The following CDC42BPA variants were observed in gnomAD, a reference collection of about 807,000 sequenced individuals.
CDC42BPA encodes CDC42 binding protein kinase alpha, also known as serine/threonine-protein kinase MRCK alpha.
In CDC42BPA, 80 loss-of-function variants were observed where a neutral mutation model predicts 223.5. The observed-to-expected ratio is 0.36, with a 90% confidence interval of 0.30 to 0.43. The LOEUF (loss-of-function observed/expected upper bound fraction) is 0.43. Among genes scored for constraint, CDC42BPA ranks in the 20% least tolerant of loss-of-function variants. The probability of loss-of-function intolerance (pLI) is 1.00; values close to 1 mark genes in which losing one functional copy is unlikely to be tolerated. For synonymous variants in CDC42BPA, 694 were observed against 718.6 expected (o/e 0.97, Z 0.55); for missense variants, 1,743 against 2,099.9 (o/e 0.83, Z 3.32).
rs1663650720 is a variant in CDC42BPA at position 227,004,809 on chromosome 1, G to T, written c.4975+185C>A. ...CCTGTACACTCTAGAAGGACTCTGG[G>T]ACTATTTTCTTAACAACTGCATTTG... On this transcript the variant is annotated intron_variant, in intron 35 of 36. Coordinates refer to ENST00000366766, the MANE Select transcript of CDC42BPA (RefSeq NM_001394014.1). 6 of 717,100 alleles carry T rather than the reference G, an allele frequency of 8.4e-6. No individual in the cohort carries two copies. The South Asian group carries it at 9.3e-5, about 11-fold the overall frequency. The allele number at this position is 717,100 out of a possible 1,614,324, so 44.4% of individuals were successfully genotyped here.
intron 16 of CDC42BPA, among the ~76,000 whole-genome samples, chr1:227,082,569 G>T (rs1291485368): frequency 1.3e-5 from 2 of 151,706 alleles, no homozygotes; most frequent in African/African-American, 4.8e-5. Context: ...AAAAAAATTA[G>T]CCAGACGTGG....
chr1:227,131,962 G>A (rs1367172906), intron 10 of CDC42BPA, among the ~76,000 whole-genome samples: 1 of 152,156 alleles, frequency 6.6e-6, no homozygotes, highest in African/African-American at 2.4e-5. Flanking sequence ...AGGAGAACGG[G>A]AGTCAGTTGT....
rs781173180 is a variant in CDC42BPA, at chr1:227,023,278, T to G, written c.4600A>C (p.Lys1534Gln). ...GLETIRLIYFKNKMAEGDELV... is the reference protein window; with the variant it reads ...GLETIRLIYFQNKMAEGDELV... Reference sequence around the variant, plus strand: ...ATTTTCTTACCTGCCATCTTATTTTTGAAATATATTAATCTAATGGTCTCC... The same window carrying G: ...ATTTTCTTACCTGCCATCTTATTTTGGAAATATATTAATCTAATGGTCTCC... The change falls in exon 32 of 37, where the codon AAA (lysine) becomes CAA (glutamine). Residue 1534 changes from lysine (K) to glutamine (Q), a missense_variant. By Grantham distance (53) the Lys-to-Gln change is moderately conservative. Around this residue, in one of 6 missense-constraint regions of CDC42BPA, gnomAD observed 678 missense variants for 777.5 expected, o/e 0.87. Transcript: ENST00000366766. The G allele has an allele frequency of 6.9e-7, 1 of 1,455,272 alleles. No individual in the cohort carries two copies. Among genetic ancestry groups the G allele is most frequent in the South Asian group, 1.2e-5 (1 of 83,624 alleles). The allele number at this position is 1,455,272 out of a possible 1,614,324, so 90.1% of individuals were successfully genotyped here.
At chr1:227,067,571 G>A (rs1029891490) in intron 21 of CDC42BPA, among the ~76,000 whole-genome samples, 1 of 152,050 alleles carries the variant, frequency 6.6e-6, no homozygotes, top group South Asian at 2.1e-4. Flanking sequence ...CACTGTACAC[G>A]AGGAGAGTTC....
intron 15 of CDC42BPA, among the ~76,000 whole-genome samples, chr1:227,100,080 TATA>T (rs1558495960): frequency 6.6e-6 from 1 of 152,212 alleles, no homozygotes; most frequent in Non-Finnish European, 1.5e-5. Flanking sequence ...GACAATAACA[TATA>T]TTCAGTTGCC....
chr1:227,107,189 A>C (rs1016794050), intron 14 of CDC42BPA, among the ~76,000 whole-genome samples: 1 of 152,190 alleles, frequency 6.6e-6, no homozygotes, highest in Non-Finnish European at 1.5e-5. Context: ...TAAACATGAG[A>C]TGTCTTTCCA....
intron 1 of CDC42BPA, among the ~76,000 whole-genome samples, chr1:227,275,239 T>TAAAAAAAA (rs1558930096): frequency 1.3e-5 from 1 of 75,568 alleles, no homozygotes; most frequent in Non-Finnish European, 2.8e-5. Flanking sequence ...AAATAAAAAT[T>TAAAAAAAA]AGAAAGCAGA....
chr1:227,202,445 C>A (rs1671947356), intron 3 of CDC42BPA, among the ~76,000 whole-genome samples: 1 of 152,068 alleles, frequency 6.6e-6, no homozygotes, highest in Non-Finnish European at 1.5e-5. Context: ...GGCTTCATCT[C>A]ACTATAATAG....
chr1:227,026,765 T>G (rs759190249), intron 30 of CDC42BPA, among the ~76,000 whole-genome samples: 3 of 152,224 alleles, frequency 2.0e-5, no homozygotes, highest in Admixed American at 6.5e-5. Context: ...AATTATTATC[T>G]GATTCAGTTA....
intron 1 of CDC42BPA, among the ~76,000 whole-genome samples, chr1:227,304,336 G>A (rs1329744835): frequency 1.3e-5 from 2 of 151,798 alleles, no homozygotes; most frequent in African/African-American, 4.8e-5. Context: ...AACCCAGGAG[G>A]TAGAGGTTGC....
chr1:227,125,602 TAAAA>T (rs78634914), intron 11 of CDC42BPA, among the ~76,000 whole-genome samples: 5 of 117,600 alleles, frequency 4.3e-5, no homozygotes, highest in Non-Finnish European at 3.5e-5. Context: ...GTCTACAAAT[TAAAA>T]AAAAAAAAAA....
At chr1:227,206,629 T>C (rs1486052974) in intron 3 of CDC42BPA, among the ~76,000 whole-genome samples, 1 of 152,200 alleles carries the variant, frequency 6.6e-6, no homozygotes, top group Non-Finnish European at 1.5e-5. Context: ...AGAAGGATTT[T>C]TAGAAATGTT....
At chr1:227,204,645 C>T (rs1413682342) in intron 3 of CDC42BPA, among the ~76,000 whole-genome samples, 1 of 152,126 alleles carries the variant, frequency 6.6e-6, no homozygotes, top group Non-Finnish European at 1.5e-5. Flanking sequence ...ACCAATATCT[C>T]TAACAGCATT....
intron 11 of CDC42BPA, among the ~76,000 whole-genome samples, chr1:227,125,102 AC>A (rs1689318318): frequency 6.6e-6 from 1 of 152,040 alleles, no homozygotes. Context: ...AAAAGCCCCA[AC>A]AAAAGCCTGC....
chr1:227,223,846 A>T (rs534842427), intron 2 of CDC42BPA, among the ~76,000 whole-genome samples: 1 of 152,212 alleles, frequency 6.6e-6, no homozygotes, highest in Non-Finnish European at 1.5e-5. Context: ...GCAGCGAGCC[A>T]CAGCTCTCAC....
chr1:227,058,915 T>C (rs1675173697), intron 21 of CDC42BPA, among the ~76,000 whole-genome samples: 1 of 151,858 alleles, frequency 6.6e-6, no homozygotes, highest in African/African-American at 2.4e-5. Flanking sequence ...CTGATTTACA[T>C]AAATTATAGT....
intron 27 of CDC42BPA, 87 bp downstream of exon 27, chr1:227,033,247 T>G: frequency 1.3e-6 from 1 of 773,586 alleles, no homozygotes; most frequent in Non-Finnish European, 2.2e-6. Flanking sequence ...GTTTTACTTA[T>G]AGTGAATTTA....
chr1:227,207,258 G>C (rs1672919948), intron 3 of CDC42BPA, among the ~76,000 whole-genome samples: 2 of 150,178 alleles, frequency 1.3e-5, no homozygotes, highest in Admixed American at 6.6e-5. Context: ...CAAAGGACAT[G>C]AACTCTTCAC....
At chr1:227,113,305 T>C (rs1181759139) in intron 12 of CDC42BPA, among the ~76,000 whole-genome samples, 13 of 152,206 alleles carry the variant, frequency 8.5e-5, no homozygotes, top group Admixed American at 7.2e-4. Context: ...AGCAAGGAGA[T>C]AGAAACTAAA....
Sources: gnomAD v4.1 joint callset for allele counts (sites outside exome capture counted in the v4.1 genomes callset) on GRCh38, gnomAD v4.1.1 for gene constraint, gnomAD v4.1.1 regional missense constraint, MANE v1.5 for transcripts, NCBI Gene and HGNC (gene_info 2026-07-23, HGNC 2026-07-21) for gene names.